Variants in DLGAP2 observed in about 807,000 individuals in gnomAD.
DLGAP2 encodes the protein disks large-associated protein 2.
DLGAP2 carries 26 observed loss-of-function variants against 100.3 expected under a neutral mutation model. The observed-to-expected ratio is 0.26, with a 90% confidence interval of 0.19 to 0.36. The LOEUF is 0.36. Ranked by LOEUF, DLGAP2 falls within the 10% of genes least tolerant of loss-of-function variation. The probability of loss-of-function intolerance (pLI) is 1.00; values close to 1 mark genes in which losing one functional copy is unlikely to be tolerated. For synonymous variants in DLGAP2, 886 were observed against 630.1 expected, an observed-to-expected ratio of 1.41 and a Z score of -6.08; for missense variants, 1,858 against 1,453.2, an observed-to-expected ratio of 1.28 and a Z score of -4.53.
intron 2 of DLGAP2, among the ~76,000 whole-genome samples, chr8:1,226,216 A>T (rs1798412609): frequency 6.6e-6 from 1 of 152,214 alleles, no homozygotes; most frequent in South Asian, 2.1e-4. Flanking sequence ...GCAAAGACAC[A>T]GAATCAACGC....
chr8:1,245,197 T>G (rs1798877799), intron 2 of DLGAP2, among the ~76,000 whole-genome samples: 1 of 152,104 alleles, frequency 6.6e-6, no homozygotes, highest in South Asian at 2.1e-4. Context: ...CCTCAGAAGT[T>G]TAAACATAGA....
intron 2 of DLGAP2, among the ~76,000 whole-genome samples, chr8:1,119,681 C>T (rs1022863855): frequency 2.6e-5 from 4 of 152,202 alleles, no homozygotes; most frequent in Non-Finnish European, 5.9e-5. Flanking sequence ...GGCTTCGCCA[C>T]TCAACTTTGA....
At chr8:757,119 G>A (rs1047625991) in intron 1 of DLGAP2, among the ~76,000 whole-genome samples, 5 of 152,014 alleles carry the variant, frequency 3.3e-5, no homozygotes, top group African/African-American at 9.7e-5. Context: ...CCCCCACCTC[G>A]TGCTGTTTTT....
rs543288270 is a variant in DLGAP2 at position 816,912 on chromosome 8, G to C, written c.18+79087G>C. ...ACTTCTTAGAGGCTTTGTTCATATT[G>C]AGTGGATCACAAGGTCAGGAGATCG... On this transcript the variant is annotated intron_variant, in intron 1 of 14. Coordinates refer to ENST00000637795, the MANE Select transcript of DLGAP2 (RefSeq NM_001346810.2). Among the ~76,000 whole-genome samples, 9 of 152,236 alleles carry C rather than the reference G, an allele frequency of 5.9e-5. No homozygotes were observed. The East Asian group carries it at 1.5e-3, about 26-fold the overall frequency.
At chr8:821,692 T>C (rs548721669) in intron 1 of DLGAP2, among the ~76,000 whole-genome samples, 1 of 152,246 alleles carries the variant, frequency 6.6e-6, no homozygotes, top group Non-Finnish European at 1.5e-5. Context: ...TGGACTAATT[T>C]CACAGATAGC....
chr8:1,540,209 G>T (rs576486756), intron 4 of DLGAP2, among the ~76,000 whole-genome samples: 1 of 152,306 alleles, frequency 6.6e-6, no homozygotes, highest in Admixed American at 6.5e-5. Flanking sequence ...ACTTGTCCCA[G>T]CGGGTAAAGG....
intron 2 of DLGAP2, among the ~76,000 whole-genome samples, chr8:973,584 C>T (rs1302048228): frequency 7.2e-5 from 11 of 152,320 alleles, no homozygotes; most frequent in Non-Finnish European, 1.0e-4. Flanking sequence ...GCTGCAATCT[C>T]GGCACTTTGG....
chr8:894,325 A>G (rs1798097108), intron 1 of DLGAP2, among the ~76,000 whole-genome samples: 1 of 152,148 alleles, frequency 6.6e-6, no homozygotes, highest in African/African-American at 2.4e-5. Flanking sequence ...TGACAGGGAC[A>G]GGGCTGCCCT....
At chr8:1,376,451 G>T (rs1006601522) in intron 3 of DLGAP2, among the ~76,000 whole-genome samples, 15 of 152,262 alleles carry the variant, frequency 9.9e-5, no homozygotes. Flanking sequence ...CAGTGAATCA[G>T]CCTGGAAGCT....
intron 3 of DLGAP2, among the ~76,000 whole-genome samples, chr8:1,328,111 C>A (rs7814640): frequency 2.0e-5 from 3 of 151,660 alleles, no homozygotes; most frequent in African/African-American, 4.9e-5. Flanking sequence ...GTGATCTCAG[C>A]TCACTGCATA....
intron 1 of DLGAP2, among the ~76,000 whole-genome samples, chr8:828,846 G>A (rs1193528892): frequency 6.6e-6 from 1 of 152,184 alleles, no homozygotes; most frequent in Non-Finnish European, 1.5e-5. Flanking sequence ...GCTTCAGCCG[G>A]TCCCTCCGTT....
At chr8:1,141,862 C>G (rs1370961318) in intron 2 of DLGAP2, among the ~76,000 whole-genome samples, 2 of 151,998 alleles carry the variant, frequency 1.3e-5, no homozygotes, top group Non-Finnish European at 2.9e-5. Context: ...TAGATGCTTT[C>G]TTTGTTTCTC....
At chr8:909,910 G>A (rs542165828) in intron 2 of DLGAP2, among the ~76,000 whole-genome samples, 43 of 152,216 alleles carry the variant, frequency 2.8e-4, no homozygotes, top group Non-Finnish European at 4.9e-4. Flanking sequence ...TCAACACAGC[G>A]GAGGTTCTTG....
intron 2 of DLGAP2, among the ~76,000 whole-genome samples, chr8:926,333 C>A (rs1178401734): frequency 1.3e-5 from 2 of 152,198 alleles, no homozygotes; most frequent in African/African-American, 4.8e-5. Context: ...CCAGTGAGGG[C>A]TCCCCGTGTT....
intron 1 of DLGAP2, among the ~76,000 whole-genome samples, chr8:887,423 A>C (rs1184368514): frequency 6.6e-6 from 1 of 152,270 alleles, no homozygotes; most frequent in East Asian, 1.9e-4. Context: ...TCATGATACT[A>C]TTTGGTTATT....
chr8:1,294,429 T>G (rs957741321), intron 3 of DLGAP2, among the ~76,000 whole-genome samples: 3 of 152,150 alleles, frequency 2.0e-5, no homozygotes, highest in South Asian at 2.1e-4. Flanking sequence ...TTTTCCCCAT[T>G]TTTCTGATGA....
At chr8:1,288,142 A>ATG (rs1225634002) in intron 3 of DLGAP2, among the ~76,000 whole-genome samples, 141 of 52,340 alleles carry the variant, frequency 2.7e-3, no homozygotes, top group South Asian at 6.3e-3. Context: ...TCGGTTGAGT[A>ATG]TGTGTGTGTG....
At chr8:1,111,886 T>C (rs1322039132) in intron 2 of DLGAP2, among the ~76,000 whole-genome samples, 1 of 152,210 alleles carries the variant, frequency 6.6e-6, no homozygotes, top group African/African-American at 2.4e-5. Flanking sequence ...TGTGTCTTTA[T>C]GGTAGAATGA....
chr8:1,600,894 G>C (rs1251796868), intron 6 of DLGAP2, among the ~76,000 whole-genome samples: 1 of 152,098 alleles, frequency 6.6e-6, no homozygotes, highest in Admixed American at 6.5e-5. Context: ...CTCATTCTCT[G>C]TCCGGTTCTG....
Sources: gnomAD v4.1 joint callset for allele counts (sites outside exome capture counted in the v4.1 genomes callset) on GRCh38, gnomAD v4.1.1 for gene constraint, MANE v1.5 for transcripts, NCBI Gene and HGNC (gene_info 2026-07-23, HGNC 2026-07-21) for gene names.